Variants in ZSCAN2 observed in about 807,000 individuals in gnomAD.
The protein encoded by ZSCAN2 is zinc finger and SCAN domain containing 2.
ZSCAN2 carries 26 observed loss-of-function variants against 47.8 expected under a neutral mutation model. The observed-to-expected ratio is 0.54, with a 90% confidence interval of 0.40 to 0.75. The LOEUF (loss-of-function observed/expected upper bound fraction) is 0.75, where lower values mean the gene tolerates loss of function less well. ZSCAN2 is among the 30% of genes least tolerant of loss of function. The pLI is 0.00. For synonymous variants in ZSCAN2, 305 were observed against 288.7 expected (o/e 1.06, Z -0.57); for missense variants, 732 against 785.4 (o/e 0.93, Z 0.81).
intron 2 of ZSCAN2, among the ~76,000 whole-genome samples, chr15:84,619,067 T>C (rs542638314): frequency 6.6e-6 from 1 of 152,292 alleles, no homozygotes; most frequent in African/African-American, 2.4e-5. Context: ...TCCTCCCTAA[T>C]GATTTCTTTT....
intron 2 of ZSCAN2, among the ~76,000 whole-genome samples, chr15:84,612,830 A>G (rs1249586334): frequency 1.3e-5 from 2 of 152,220 alleles, no homozygotes; most frequent in African/African-American, 2.4e-5. Context: ...ATTGTCTTGT[A>G]TGTAATACCT....
intron 2 of ZSCAN2, among the ~76,000 whole-genome samples, chr15:84,607,656 G>A (rs1468254155): frequency 1.3e-5 from 2 of 152,046 alleles, no homozygotes; most frequent in Admixed American, 6.6e-5. Context: ...TTACAGGTGC[G>A]TGCTACCGTG....
chr15:84,610,717 A>C (rs2141774506), intron 2 of ZSCAN2, among the ~76,000 whole-genome samples: 1 of 151,582 alleles, frequency 6.6e-6, no homozygotes, highest in South Asian at 2.1e-4. Context: ...AATCTCCTGA[A>C]CTCAGGCAAT....
rs1895183796 is a variant in ZSCAN2 at position 84,601,055 on chromosome 15, GA to G, written c.-187del. ...GTGCCCCACGGGCTTGAGCCGGGGT[GA>G]ATCTGGAGGGGCCGGGCCGAGCCCG... On this transcript the variant is annotated 5_prime_UTR_variant, in exon 1 of 3. Transcript: ENST00000546148. The G allele has an allele frequency of 6.6e-6, 1 of 152,506 alleles. No individual in the cohort carries two copies. Among genetic ancestry groups the G allele is most frequent in the African/African-American group, 2.4e-5 (1 of 41,478 alleles). The allele number at this position is 152,506 out of a possible 1,614,324, so 9.4% of individuals were successfully genotyped here.
intron 2 of ZSCAN2, among the ~76,000 whole-genome samples, chr15:84,607,719 G>A (rs1316989983): frequency 6.6e-6 from 1 of 152,068 alleles, no homozygotes; most frequent in Admixed American, 6.6e-5. Context: ...ACGTTGGTCA[G>A]ACTGGTCTCG....
intron 2 of ZSCAN2, chr15:84,606,231 A>G (rs1895376939): frequency 8.2e-6 from 3 of 366,446 alleles, no homozygotes; most frequent in Non-Finnish European, 1.0e-5. Flanking sequence ...CTCTGGAGAA[A>G]GGGACTGACG....
chr15:84,603,774 T>C, intron 1 of ZSCAN2, 46 bp from the exon 2 acceptor site: 1 of 903,602 alleles, frequency 1.1e-6, no homozygotes, highest in Non-Finnish European at 1.6e-6. Flanking sequence ...TAGATTGCTT[T>C]AGGACAGTCT....
intron 2 of ZSCAN2, chr15:84,606,595 T>G (rs369150826): frequency 1.9e-6 from 3 of 1,613,844 alleles, no homozygotes; most frequent in Admixed American, 3.3e-5. Flanking sequence ...GGATCTCCAG[T>G]CAGATACTAT....
intron 2 of ZSCAN2, among the ~76,000 whole-genome samples, chr15:84,608,547 A>AG (rs1567008135): frequency 1.3e-5 from 2 of 151,372 alleles, no homozygotes; most frequent in East Asian, 1.9e-4. Flanking sequence ...AAAAAAAAAA[A>AG]AAAGAAACTG....
At chr15:84,607,174 T>C (rs1327384089) in intron 2 of ZSCAN2, among the ~76,000 whole-genome samples, 1 of 152,202 alleles carries the variant, frequency 6.6e-6, no homozygotes, top group Admixed American at 6.5e-5. Flanking sequence ...GAGGACATTT[T>C]ACTCTCCATA....
At chr15:84,610,029 T>C (rs1035824767) in intron 2 of ZSCAN2, among the ~76,000 whole-genome samples, 1 of 152,222 alleles carries the variant, frequency 6.6e-6, no homozygotes, top group African/African-American at 2.4e-5. Context: ...ATTTGTGCTG[T>C]GCACGTGAGG....
rs1895836705 is a variant in ZSCAN2 at position 84,622,403 on chromosome 15, C to G, written c.*363C>G. The G allele has an allele frequency of 1.7e-6, 1 of 585,826 alleles. No individual in the cohort carries two copies. The highest frequency in any genetic ancestry group is 3.1e-6 in the Non-Finnish European group (1 of 324,624). The allele number at this position is 585,826 out of a possible 1,614,324, so 36.3% of individuals were successfully genotyped here. ...AGACAGCATGGCCCACAACGTGGGC[C>G]GAGTCCTCAGAGAAATACTGGAAAT... On this transcript the variant is annotated 3_prime_UTR_variant, in exon 3 of 3. Coordinates refer to ENST00000546148, the MANE Select transcript of ZSCAN2 (RefSeq NM_181877.4).
intron 1 of ZSCAN2, chr15:84,602,139 C>A (rs966190303): frequency 6.6e-6 from 1 of 151,790 alleles, no homozygotes; most frequent in African/African-American, 2.4e-5. Context: ...TTAGTAGAGA[C>A]GAGGTTTCTC....
At chr15:84,609,953 G>A (rs12913702) in intron 2 of ZSCAN2, among the ~76,000 whole-genome samples, 32,417 of 152,246 alleles carry the variant, frequency 0.21, 4,384 homozygotes, top group Middle Eastern at 0.38. Context: ...GCTCTATGGT[G>A]CGGGAGAGAA....
chr15:84,618,291 G>A (rs937943013), intron 2 of ZSCAN2, among the ~76,000 whole-genome samples: 2 of 152,034 alleles, frequency 1.3e-5, no homozygotes, highest in South Asian at 2.1e-4. Context: ...GGTGGTGTGC[G>A]CCTGTAGTCC....
At position 84,604,248 on chromosome 15, in the gene ZSCAN2, G is replaced by A. The variant is rs373556473; in HGVS notation, c.321G>A (p.Gln107=). 6.2e-6 allele frequency: 10 copies of A among 1,614,036 alleles called. No individual in the cohort carries two copies. Among genetic ancestry groups the A allele is most frequent in the Non-Finnish European group, 7.6e-6 (9 of 1,180,026 alleles). ...QMLTMLPKEI[Q]AWLQEHRPES... is the part of the protein sequence containing the mutation. The stretch of plus-strand genomic sequence containing the variant: ...TAACCATGCTGCCAAAGGAAATTCA[G>A]GCTTGGCTGCAAGAGCATCGGCCTG... Residue 107 remains glutamine (Q), a synonymous_variant, in exon 2 of 3, where the codon CAG becomes CAA. Coordinates refer to ENST00000546148, the MANE Select transcript of ZSCAN2 (RefSeq NM_181877.4).
At chr15:84,619,923 GT>G (rs1047099199) in intron 2 of ZSCAN2, among the ~76,000 whole-genome samples, 1 of 106,268 alleles carries the variant, frequency 9.4e-6, no homozygotes, top group African/African-American at 4.7e-5. Flanking sequence ...ATAAGCCTGG[GT>G]TGGTTTTTTT....
chr15:84,603,769 T>G (rs754389715), intron 1 of ZSCAN2, 51 bp from the exon 2 acceptor site: 251 of 819,110 alleles, frequency 3.1e-4, no homozygotes, highest in Middle Eastern at 1.9e-3. Context: ...TGAGTTAGAT[T>G]GCTTTAGGAC....
At chr15:84,615,274 C>G (rs1474153872) in intron 2 of ZSCAN2, among the ~76,000 whole-genome samples, 1 of 151,974 alleles carries the variant, frequency 6.6e-6, no homozygotes, top group African/African-American at 2.4e-5. Flanking sequence ...AGTTCTATTG[C>G]TTTGTTTTTT....
Sources: gnomAD v4.1 joint callset for allele counts (sites outside exome capture counted in the v4.1 genomes callset) on GRCh38, gnomAD v4.1.1 for gene constraint, MANE v1.5 for transcripts, NCBI Gene and HGNC (gene_info 2026-07-23, HGNC 2026-07-21) for gene names.